Variants in ARHGAP15 observed in about 807,000 individuals in gnomAD.
ARHGAP15 encodes the protein rho GTPase-activating protein 15.
Under a neutral mutation model 63.7 loss-of-function variants are expected in ARHGAP15, and 51 were observed. The observed-to-expected ratio is 0.80, with a 90% CI of 0.64 to 1.01. ARHGAP15 has a LOEUF of 1.01. Ranked by LOEUF, ARHGAP15 falls within the 50% of genes least tolerant of loss-of-function variation. The probability of loss-of-function intolerance (pLI) is 0.00; values close to 1 mark genes in which losing one functional copy is unlikely to be tolerated. For synonymous variants in ARHGAP15, 191 were observed against 193.8 expected (o/e 0.99, Z 0.12); for missense variants, 560 against 564.6 (o/e 0.99, Z 0.08).
At chr2:143,703,376 AT>A (rs1329741506) in intron 12 of ARHGAP15, 42 bp from the exon 13 acceptor site, 1 of 1,551,000 alleles carries the variant, frequency 6.4e-7, no homozygotes. Context: ...TACCTATGAA[AT>A]CTTGTTTTTT....
intron 13 of ARHGAP15, among the ~76,000 whole-genome samples, chr2:143,736,240 A>G (rs1685739986): frequency 6.6e-6 from 1 of 152,088 alleles, no homozygotes; most frequent in Non-Finnish European, 1.5e-5. Context: ...TCTACTAAAT[A>G]CAAAAAATTA....
chr2:143,374,128 C>T (rs973651983), intron 6 of ARHGAP15, among the ~76,000 whole-genome samples: 7 of 151,964 alleles, frequency 4.6e-5, no homozygotes, highest in South Asian at 2.1e-4. Flanking sequence ...CAAAGGGTGC[C>T]GCAACGTAAG....
chr2:143,275,857 C>A (rs938826588), intron 6 of ARHGAP15, among the ~76,000 whole-genome samples: 1 of 152,226 alleles, frequency 6.6e-6, no homozygotes, highest in South Asian at 2.1e-4. Flanking sequence ...CTTCCCAATG[C>A]TGAGCCATTT....
chr2:143,345,703 A>G (rs1162789800), intron 6 of ARHGAP15, among the ~76,000 whole-genome samples: 2 of 152,270 alleles, frequency 1.3e-5, no homozygotes, highest in East Asian at 1.9e-4. Context: ...TATTCAGTGC[A>G]TACATTTTAA....
intron 3 of ARHGAP15, among the ~76,000 whole-genome samples, chr2:143,204,647 C>A (rs1411919038): frequency 6.6e-6 from 1 of 152,090 alleles, no homozygotes; most frequent in Admixed American, 6.6e-5. Flanking sequence ...TCAAAATCCT[C>A]CCTGGCTTTT....
chr2:143,397,302 A>C (rs1330245889), intron 6 of ARHGAP15, among the ~76,000 whole-genome samples: 1 of 146,414 alleles, frequency 6.8e-6, no homozygotes, highest in Non-Finnish European at 1.5e-5. Flanking sequence ...GGACAATAAT[A>C]ATATGAGATA....
intron 5 of ARHGAP15, among the ~76,000 whole-genome samples, chr2:143,235,528 T>C (rs1336581084): frequency 6.6e-6 from 1 of 152,148 alleles, no homozygotes; most frequent in Non-Finnish European, 1.5e-5. Context: ...TTTTAATAAG[T>C]AGTGTTAGCG....
At chr2:143,767,761 C>A (rs1010949579) in intron 13 of ARHGAP15, among the ~76,000 whole-genome samples, 2 of 152,052 alleles carry the variant, frequency 1.3e-5, no homozygotes, top group Admixed American at 1.3e-4. Context: ...GTTGAGTACC[C>A]ACAATGCTCA....
chr2:143,682,016 C>T (rs1683121486), intron 12 of ARHGAP15, among the ~76,000 whole-genome samples: 1 of 152,150 alleles, frequency 6.6e-6, no homozygotes, highest in South Asian at 2.1e-4. Context: ...TGATAGGTAT[C>T]TTCAGCAGTG....
intron 2 of ARHGAP15, among the ~76,000 whole-genome samples, chr2:143,160,162 A>C (rs191819564): frequency 6.6e-6 from 1 of 152,010 alleles, no homozygotes; most frequent in Admixed American, 6.6e-5. Flanking sequence ...CAGGCATCTG[A>C]CCAAACATTA....
intron 6 of ARHGAP15, among the ~76,000 whole-genome samples, chr2:143,393,149 A>T (rs1470608062): frequency 6.6e-6 from 1 of 152,032 alleles, no homozygotes; most frequent in Non-Finnish European, 1.5e-5. Context: ...AATAAAGTTA[A>T]ACCTAGACAG....
At chr2:143,374,360 T>G (rs1686711088) in intron 6 of ARHGAP15, among the ~76,000 whole-genome samples, 1 of 152,006 alleles carries the variant, frequency 6.6e-6, no homozygotes, top group Admixed American at 6.6e-5. Context: ...CCCCACCCCA[T>G]TTCTTTCCCA....
intron 6 of ARHGAP15, among the ~76,000 whole-genome samples, chr2:143,378,962 GT>G (rs568501933): frequency 8.1e-4 from 123 of 151,528 alleles, no homozygotes; most frequent in Admixed American, 3.8e-3. Context: ...AACCAATAAG[GT>G]TTTTTTTAAT....
intron 13 of ARHGAP15, among the ~76,000 whole-genome samples, chr2:143,709,440 AT>A (rs760302990): frequency 1.3e-5 from 2 of 152,244 alleles, no homozygotes; most frequent in African/African-American, 2.4e-5. Context: ...GCAAATAAAC[AT>A]TATTGTAGGA....
intron 11 of ARHGAP15, among the ~76,000 whole-genome samples, chr2:143,619,093 A>G (rs1365966860): frequency 6.6e-6 from 1 of 152,026 alleles, no homozygotes; most frequent in African/African-American, 2.4e-5. Flanking sequence ...TATTACAGGC[A>G]TGAGTCACTA....
intron 13 of ARHGAP15, among the ~76,000 whole-genome samples, chr2:143,742,314 C>A (rs1471432515): frequency 2.0e-5 from 3 of 152,208 alleles, no homozygotes; most frequent in Non-Finnish European, 4.4e-5. Flanking sequence ...AGACATTTCC[C>A]ACGTGACTGC....
At position 143,487,417 on chromosome 2, in the gene ARHGAP15, C is replaced by G. The variant is rs772895163; in HGVS notation, c.748C>G (p.Arg250Gly). 9 of 1,613,498 alleles carry G rather than the reference C, an allele frequency of 5.6e-6. No individual in the cohort carries two copies. The highest frequency in any genetic ancestry group is 7.6e-6 in the Non-Finnish European group (9 of 1,179,808). The change falls in exon 9 of 14, where the codon CGA becomes GGA. Residue 250 changes from arginine (R) to glycine (G), a missense_variant. Transcript: ENST00000295095. ...TGCTTCCGATACAAGCGACAAAAAT[C>G]GAGTTAAAAGCAGATTAAAGAAGTT... Reference protein sequence around the residue: ...HSASDTSDKNRVKSRLKKFIT... With the variant: ...HSASDTSDKNGVKSRLKKFIT...
chr2:143,158,616 G>A (rs1307638700), intron 2 of ARHGAP15, among the ~76,000 whole-genome samples: 2 of 151,910 alleles, frequency 1.3e-5, no homozygotes, highest in East Asian at 1.9e-4. Context: ...GGGCAGTTTC[G>A]AGAGGGGGAA....
At chr2:143,697,358 G>A (rs1469689051) in intron 12 of ARHGAP15, among the ~76,000 whole-genome samples, 1 of 152,056 alleles carries the variant, frequency 6.6e-6, no homozygotes, top group Non-Finnish European at 1.5e-5. Context: ...GACTTACAGG[G>A]GACTTACTTA....
Sources: gnomAD v4.1 joint callset for allele counts (sites outside exome capture counted in the v4.1 genomes callset) on GRCh38, gnomAD v4.1.1 for gene constraint, MANE v1.5 for transcripts, NCBI Gene and HGNC (gene_info 2026-07-23, HGNC 2026-07-21) for gene names.